The following METTL8 variants were observed in gnomAD, a reference collection of about 807,000 sequenced individuals.
METTL8 encodes methyltransferase 8, tRNA N3-cytidine.
A neutral mutation model predicts 48.7 loss-of-function variants in METTL8; 32 were observed. The observed-to-expected ratio is 0.66, with a 90% CI of 0.50 to 0.88. The LOEUF is 0.88. METTL8 is among the 40% of genes least tolerant of loss of function. METTL8 has a pLI of 0.00. For synonymous variants in METTL8, 136 were observed against 157.1 expected (o/e 0.87, Z 1.01); for missense variants, 464 against 474.4 (o/e 0.98, Z 0.20).
rs1346112545 is a variant in METTL8 at position 171,433,892 on chromosome 2, G to C, written c.-22C>G. On this transcript the variant is annotated 5_prime_UTR_variant, in exon 1 of 10. Coordinates refer to ENST00000375258, the MANE Select transcript of METTL8 (RefSeq NM_001321154.2). ...AAGCCGCGGGGCGTACCTTTAGCACGGGACGCTGCTTTGGGGGGATCGCCC... is the reference window on the plus strand; with the variant it reads ...AAGCCGCGGGGCGTACCTTTAGCACCGGACGCTGCTTTGGGGGGATCGCCC... The C allele has an allele frequency of 6.2e-6, 1 of 161,074 alleles. No homozygotes were observed. The highest frequency in any genetic ancestry group is 2.4e-5 in the African/African-American group (1 of 41,482). 10.0% of individuals were successfully genotyped at this position (161,074 alleles called of 1,614,324 possible).
chr2:171,417,491 T>C lies in METTL8; in HGVS notation c.-13+16392A>G, dbSNP rs965668333. On this transcript the variant is annotated intron_variant, in intron 1 of 9. Coordinates refer to ENST00000375258, the MANE Select transcript of METTL8 (RefSeq NM_001321154.2). Reference sequence around the variant, plus strand: ...ACATGCACACACACACAAATTCATTTAGTCCTCCCAAGAATCTTCACTAAC... The same window carrying C: ...ACATGCACACACACACAAATTCATTCAGTCCTCCCAAGAATCTTCACTAAC... Among the ~76,000 whole-genome samples, 4 of 152,238 alleles carry C rather than the reference T, an allele frequency of 2.6e-5. No individual in the cohort carries two copies. The East Asian group carries it at 7.7e-4, about 29-fold the overall frequency.
intron 1 of METTL8, among the ~76,000 whole-genome samples, chr2:171,426,395 A>G (rs142208340): frequency 1.3e-5 from 2 of 152,310 alleles, no homozygotes; most frequent in East Asian, 3.9e-4. Flanking sequence ...TTATTTATCT[A>G]AAGAGGAAAG....
At chr2:171,410,832 C>T (rs1690675206) in intron 1 of METTL8, among the ~76,000 whole-genome samples, 1 of 152,202 alleles carries the variant, frequency 6.6e-6, no homozygotes, top group African/African-American at 2.4e-5. Context: ...TTTCCTTGAA[C>T]AGTCTTAAGC....
intron 3 of METTL8, among the ~76,000 whole-genome samples, chr2:171,348,543 A>C (rs1683541914): frequency 6.6e-6 from 1 of 152,106 alleles, no homozygotes; most frequent in Admixed American, 6.6e-5. Flanking sequence ...ACCAGAACCA[A>C]GTTGTTCTGG....
intron 1 of METTL8, among the ~76,000 whole-genome samples, chr2:171,427,547 T>G (rs1692540449): frequency 6.6e-6 from 1 of 152,192 alleles, no homozygotes; most frequent in South Asian, 2.1e-4. Context: ...TGACTTCTTA[T>G]TATAAGCCTT....
chr2:171,381,938 C>G (rs912231667), intron 2 of METTL8, among the ~76,000 whole-genome samples: 1 of 152,026 alleles, frequency 6.6e-6, no homozygotes, highest in Non-Finnish European at 1.5e-5. Context: ...CGCATCACCA[C>G]GCCCAGCTAA....
At position 171,347,850 on chromosome 2, in the gene METTL8, T is replaced by C. The variant is rs564425010; in HGVS notation, c.236-8296A>G. On this transcript the variant is annotated intron_variant, in intron 3 of 9. Coordinates refer to ENST00000375258, the MANE Select transcript of METTL8 (RefSeq NM_001321154.2). The stretch of plus-strand genomic sequence containing the variant: ...ATCCAACCCTAATACTCTCTGGCCA[T>C]ATTCCCCTCAAAGACTTCGTGGTTG... Among the ~76,000 whole-genome samples, 3 of 152,344 alleles carry C rather than the reference T, an allele frequency of 2.0e-5. No homozygotes were observed. The East Asian group carries it at 5.8e-4, about 29-fold the overall frequency.
chr2:171,342,867 G>A (rs1043210436), intron 3 of METTL8, among the ~76,000 whole-genome samples: 2 of 152,136 alleles, frequency 1.3e-5, no homozygotes, highest in Non-Finnish European at 2.9e-5. Flanking sequence ...GTACAGGGGA[G>A]TAACCTAATA....
intron 2 of METTL8, among the ~76,000 whole-genome samples, chr2:171,361,404 A>G (rs1226174930): frequency 6.6e-6 from 1 of 152,136 alleles, no homozygotes; most frequent in African/African-American, 2.4e-5. Flanking sequence ...CACTATTATC[A>G]TATGATATAT....
intron 1 of METTL8, among the ~76,000 whole-genome samples, chr2:171,404,640 T>A (rs1002628310): frequency 6.6e-6 from 1 of 152,134 alleles, no homozygotes; most frequent in African/African-American, 2.4e-5. Flanking sequence ...AGTGAAACCA[T>A]GGATAATGGG....
chr2:171,362,597 A>ATAAG (rs1225623223), intron 2 of METTL8, among the ~76,000 whole-genome samples: 5 of 151,348 alleles, frequency 3.3e-5, no homozygotes. Context: ...AAATAAATAA[A>ATAAG]TAAATCAAAA....
At chr2:171,324,461 A>C in intron 9 of METTL8, 99 bp from the exon 10 acceptor site, 6 of 1,072,284 alleles carry the variant, frequency 5.6e-6, no homozygotes, top group Non-Finnish European at 7.9e-6. Flanking sequence ...TCTAAATTTC[A>C]TTTATACAAG....
At chr2:171,374,540 G>A (rs183831545) in intron 2 of METTL8, among the ~76,000 whole-genome samples, 1 of 152,118 alleles carries the variant, frequency 6.6e-6, no homozygotes, top group Non-Finnish European at 1.5e-5. Flanking sequence ...TGTACAACTT[G>A]GTAAGTTTTA....
At chr2:171,364,874 C>A (rs1340009420) in intron 2 of METTL8, among the ~76,000 whole-genome samples, 1 of 152,048 alleles carries the variant, frequency 6.6e-6, no homozygotes, top group Non-Finnish European at 1.5e-5. Context: ...CTATAGGACA[C>A]AATTTTGTTC....
At chr2:171,386,214 G>A (rs1190960829) in intron 2 of METTL8, among the ~76,000 whole-genome samples, 1 of 152,136 alleles carries the variant, frequency 6.6e-6, no homozygotes, top group East Asian at 1.9e-4. Context: ...AGGGTCTAAT[G>A]AAGAAAACAA....
At chr2:171,408,337 C>T (rs190832125) in intron 1 of METTL8, among the ~76,000 whole-genome samples, 36 of 150,968 alleles carry the variant, frequency 2.4e-4, no homozygotes, top group African/African-American at 8.8e-4. Flanking sequence ...TCTTGTTCCC[C>T]AGGCTGGAGT....
chr2:171,335,925 G>A (rs1686036179), intron 5 of METTL8, among the ~76,000 whole-genome samples: 1 of 151,874 alleles, frequency 6.6e-6, no homozygotes, highest in Non-Finnish European at 1.5e-5. Flanking sequence ...AAAATAATGT[G>A]AACTTAAAAA....
intron 2 of METTL8, among the ~76,000 whole-genome samples, chr2:171,390,830 GACAACAAAGA>G: frequency 6.6e-6 from 1 of 152,176 alleles, no homozygotes; most frequent in Non-Finnish European, 1.5e-5. Context: ...ACATAATTTA[GACAACAAAGA>G]ATTTAGACAT....
rs1423072503 is a variant in METTL8 at position 171,322,978 on chromosome 2, G to A, written c.*1194C>T. On this transcript the variant is annotated 3_prime_UTR_variant, in exon 10 of 10. Coordinates refer to ENST00000375258, the MANE Select transcript of METTL8 (RefSeq NM_001321154.2). ...AGTGTAGCAGTGAGGACAGCCAGAG[G>A]ACACTCTCATTGCCATCTTGGTTTT... is the stretch of plus-strand genomic sequence containing the variant. The A allele has an allele frequency of 6.6e-6, 1 of 152,132 alleles. No individual in the cohort carries two copies. Among genetic ancestry groups the A allele is most frequent in the Non-Finnish European group, 1.5e-5 (1 of 68,044 alleles). 9.4% of individuals were successfully genotyped at this position (152,132 alleles called of 1,614,324 possible).
Sources: gnomAD v4.1 joint callset for allele counts (sites outside exome capture counted in the v4.1 genomes callset) on GRCh38, gnomAD v4.1.1 for gene constraint, MANE v1.5 for transcripts, NCBI Gene and HGNC (gene_info 2026-07-23, HGNC 2026-07-21) for gene names.